The following SLCO5A1 variants were observed in gnomAD, a reference collection of about 807,000 sequenced individuals.
SLCO5A1 encodes the protein organic anion transporter polypeptide-related protein 4.
In SLCO5A1, 39 loss-of-function variants were observed where a neutral mutation model predicts 65.1. That is an observed-to-expected ratio of 0.60 (90% CI 0.46 to 0.78). The LOEUF (loss-of-function observed/expected upper bound fraction) is 0.78. SLCO5A1 is among the 30% of genes least tolerant of loss of function. The pLI is 0.00. For synonymous variants in SLCO5A1, 438 were observed against 415.7 expected (o/e 1.05, Z -0.65); for missense variants, 1,029 against 1,069.4 (o/e 0.96, Z 0.53).
chr8:69,772,312 G>A (rs924596665), intron 2 of SLCO5A1, among the ~76,000 whole-genome samples: 5 of 151,962 alleles, frequency 3.3e-5, no homozygotes, highest in African/African-American at 1.2e-4. Context: ...TTTGAGTCCA[G>A]GAGTTCAAGA....
chr8:69,807,916 G>A (rs1820069940), intron 2 of SLCO5A1, among the ~76,000 whole-genome samples: 1 of 151,978 alleles, frequency 6.6e-6, no homozygotes, highest in African/African-American at 2.4e-5. Context: ...TGTTAGCCAG[G>A]ATGGTCTCGA....
Position 69,672,578 on chromosome 8 carries a change from C to G in SLCO5A1, c.*291G>C, listed in dbSNP as rs1367678980. The G allele has an allele frequency of 1.4e-5, 5 of 348,374 alleles. No individual in the cohort carries two copies. The highest frequency in any genetic ancestry group is 4.7e-5 in the East Asian group (1 of 21,304). The allele number at this position is 348,374 out of a possible 1,614,324, so 21.6% of individuals were successfully genotyped here. On this transcript the variant is annotated 3_prime_UTR_variant, in exon 10 of 10. Transcript: ENST00000260126. ...TTCCCCTTCCCATGGTTTTGCTAAC[C>G]GTGTACCTCAGCCTGTACCGTAGGG... is the stretch of plus-strand genomic sequence containing the variant.
At chr8:69,727,332 T>C (rs901932521) in intron 5 of SLCO5A1, among the ~76,000 whole-genome samples, 4 of 152,170 alleles carry the variant, frequency 2.6e-5, no homozygotes, top group African/African-American at 4.8e-5. Context: ...TTTTAACTTG[T>C]ATGCTATATG....
chr8:69,699,654 A>G (rs1174346851), intron 6 of SLCO5A1, among the ~76,000 whole-genome samples: 2 of 152,194 alleles, frequency 1.3e-5, no homozygotes, highest in Non-Finnish European at 2.9e-5. Context: ...TGCTAACACA[A>G]TCAAGACGGC....
chr8:69,824,151 C>T (rs1193053067), intron 2 of SLCO5A1, among the ~76,000 whole-genome samples: 2 of 151,856 alleles, frequency 1.3e-5, no homozygotes, highest in South Asian at 2.1e-4. Context: ...ATTTATAGCA[C>T]TAAATGCCCA....
chr8:69,819,952 G>C (rs1345009416), intron 2 of SLCO5A1, among the ~76,000 whole-genome samples: 1 of 152,142 alleles, frequency 6.6e-6, no homozygotes, highest in South Asian at 2.1e-4. Context: ...GGCAGAGCAA[G>C]ACTCCATCTC....
chr8:69,757,584 CAGG>C (rs1221687294), intron 3 of SLCO5A1, among the ~76,000 whole-genome samples: 1 of 152,178 alleles, frequency 6.6e-6, no homozygotes, highest in African/African-American at 2.4e-5. Context: ...GAGGCTGAGG[CAGG>C]AGAATGGCTT....
intron 6 of SLCO5A1, among the ~76,000 whole-genome samples, chr8:69,690,240 T>C: frequency 6.6e-6 from 1 of 152,234 alleles, no homozygotes; most frequent in East Asian, 1.9e-4. Context: ...TGCGCGTCAC[T>C]AATTAGATGA....
intron 2 of SLCO5A1, chr8:69,773,069 G>A (rs1484711277): frequency 1.8e-6 from 1 of 569,856 alleles, no homozygotes; most frequent in Non-Finnish European, 2.2e-6. Context: ...CAGCACACAT[G>A]GGCAAAGGCA....
intron 2 of SLCO5A1, among the ~76,000 whole-genome samples, chr8:69,828,064 T>C (rs1260373534): frequency 5.3e-5 from 8 of 152,146 alleles, no homozygotes; most frequent in Admixed American, 5.2e-4. Flanking sequence ...AGTAAGTCAC[T>C]TAAACTCTCT....
At chr8:69,821,414 GGAA>G (rs1400735921) in intron 2 of SLCO5A1, among the ~76,000 whole-genome samples, 1 of 150,256 alleles carries the variant, frequency 6.7e-6, no homozygotes, top group Non-Finnish European at 1.5e-5. Flanking sequence ...ATAAAGAAGA[GGAA>G]GAAGAAGAGG....
chr8:69,798,314 C>T (rs967751646), intron 2 of SLCO5A1, among the ~76,000 whole-genome samples: 2 of 152,062 alleles, frequency 1.3e-5, no homozygotes, highest in South Asian at 4.1e-4. Context: ...TTGCACTGCT[C>T]TAAAGAAATA....
intron 2 of SLCO5A1, among the ~76,000 whole-genome samples, chr8:69,792,751 A>G (rs2130893816): frequency 6.6e-6 from 1 of 152,246 alleles, no homozygotes; most frequent in South Asian, 2.1e-4. Flanking sequence ...GGCCTAGGGA[A>G]AAAATATCAT....
intron 2 of SLCO5A1, among the ~76,000 whole-genome samples, chr8:69,830,158 C>G (rs1002825864): frequency 1.3e-5 from 2 of 152,100 alleles, no homozygotes; most frequent in African/African-American, 4.8e-5. Context: ...CCCATTGAAC[C>G]AGTTAGTGGG....
intron 2 of SLCO5A1, among the ~76,000 whole-genome samples, chr8:69,800,626 G>A (rs140255273): frequency 2.2e-3 from 342 of 152,212 alleles, no homozygotes; most frequent in African/African-American, 7.6e-3. Flanking sequence ...ATTGAATCCA[G>A]TAGTCAGCAC....
intron 7 of SLCO5A1, among the ~76,000 whole-genome samples, chr8:69,681,036 C>G (rs893378040): frequency 6.6e-6 from 1 of 152,178 alleles, no homozygotes; most frequent in African/African-American, 2.4e-5. Flanking sequence ...GAAAGGACTT[C>G]GCCACCAAGA....
Position 69,671,095 on chromosome 8 carries a change from G to C in SLCO5A1, c.*1774C>G, listed in dbSNP as rs1457008372. 6.6e-6 allele frequency: 1 copy of C among 152,258 alleles called. No individual in the cohort carries two copies. The highest frequency in any genetic ancestry group is 1.9e-4 in the East Asian group (1 of 5,186). 9.4% of individuals were successfully genotyped at this position (152,258 alleles called of 1,614,324 possible). A position where few individuals can be genotyped will look rare whatever the true frequency, so the allele number is the denominator to read the frequency against. ...CCCCGAGAGCCAAGCCCAGGAACCAGAGGGAAGTCCTTAGCCCCTGAGACC... is the reference window on the plus strand; with the variant it reads ...CCCCGAGAGCCAAGCCCAGGAACCACAGGGAAGTCCTTAGCCCCTGAGACC... On this transcript the variant is annotated 3_prime_UTR_variant, in exon 10 of 10. Transcript: ENST00000260126.
rs566738929 is a variant in SLCO5A1 at position 69,724,091 on chromosome 8, C to A, written c.1423+13949G>T. On this transcript the variant is annotated intron_variant, in intron 5 of 9. Coordinates refer to ENST00000260126, the MANE Select transcript of SLCO5A1 (RefSeq NM_030958.3). Reference sequence around the variant, plus strand: ...CCGGGCCTAGTATGCTTTTTAGTAACAGCAGTATATGCCAATTGACTAAAA... The same window carrying A: ...CCGGGCCTAGTATGCTTTTTAGTAAAAGCAGTATATGCCAATTGACTAAAA... Among the ~76,000 whole-genome samples the A allele has an allele frequency of 1.8e-3, 280 of 152,280 alleles. 2 individuals carry two copies. Among genetic ancestry groups the A allele is most frequent in the Non-Finnish European group, 3.1e-3 (209 of 68,022 alleles).
chr8:69,832,227 C>T lies in SLCO5A1; in HGVS notation c.447G>A (p.Leu149=). 1 of 1,614,168 alleles carries T rather than the reference C, an allele frequency of 6.2e-7. No homozygotes were observed. Among genetic ancestry groups the T allele is most frequent in the East Asian group, 2.2e-5 (1 of 44,882 alleles). ...TTTCAATGGTGGTAATTACGCTGCT[C>T]AGGTACCCAGAGACCATTAACGCCT... ...FIQALMVSGY[L]SSVITTIERR... Residue 149 remains leucine, a synonymous_variant, in exon 2 of 10, where the codon CTG becomes CTA. Transcript: ENST00000260126. The surrounding 1 kb of genome is among the most constrained non-coding windows in gnomAD (Gnocchi z 4.5).
Sources: gnomAD v4.1 joint callset for allele counts (sites outside exome capture counted in the v4.1 genomes callset) on GRCh38, gnomAD v4.1.1 for gene constraint, Gnocchi (gnomAD v3.1) non-coding constraint, MANE v1.5 for transcripts, NCBI Gene and HGNC (gene_info 2026-07-23, HGNC 2026-07-21) for gene names.